THSD7A: variants seen among roughly 807,000 people sequenced by gnomAD.
THSD7A encodes thrombospondin type 1 domain containing 7A.
In THSD7A, 96 loss-of-function variants were observed where a neutral mutation model predicts 231.3. That is an observed-to-expected ratio of 0.41 (90% CI 0.35 to 0.49). The LOEUF is 0.49. Ranked by LOEUF, THSD7A falls within the 20% of genes least tolerant of loss-of-function variation. The pLI is 0.05. For synonymous variants in THSD7A, 940 were observed against 743.3 expected (o/e 1.26, Z -4.30); for missense variants, 2,290 against 2,070.2 (o/e 1.11, Z -2.06).
At chr7:11,440,522 T>C (rs1413598046) in intron 13 of THSD7A, among the ~76,000 whole-genome samples, 1 of 152,070 alleles carries the variant, frequency 6.6e-6, no homozygotes, top group Non-Finnish European at 1.5e-5. Flanking sequence ...ACATTCATGA[T>C]TCATGGAAGG....
intron 24 of THSD7A, among the ~76,000 whole-genome samples, chr7:11,381,575 C>T (rs751667491): frequency 4.6e-5 from 7 of 152,032 alleles, no homozygotes; most frequent in African/African-American, 9.7e-5. Flanking sequence ...TTTTTTCCCC[C>T]GCAGCAGGGT....
intron 4 of THSD7A, among the ~76,000 whole-genome samples, chr7:11,571,628 C>G (rs1389963804): frequency 6.6e-6 from 1 of 152,220 alleles, no homozygotes; most frequent in Non-Finnish European, 1.5e-5. Context: ...AACCACTTCT[C>G]TCAGTTACCA....
chr7:11,730,587 C>T (rs548488794), intron 1 of THSD7A, among the ~76,000 whole-genome samples: 6 of 151,330 alleles, frequency 4.0e-5, no homozygotes, highest in African/African-American at 7.3e-5. Context: ...AATATGAATA[C>T]GAACTGTTTT....
chr7:11,459,821 A>G (rs1785438074), intron 11 of THSD7A, among the ~76,000 whole-genome samples: 4 of 151,900 alleles, frequency 2.6e-5, no homozygotes, highest in Admixed American at 2.6e-4. Context: ...TTTTTGTGTC[A>G]ACATGAAATA....
chr7:11,807,452 C>T (rs1784427601), intron 1 of THSD7A, among the ~76,000 whole-genome samples: 1 of 151,896 alleles, frequency 6.6e-6, no homozygotes, highest in South Asian at 2.1e-4. Context: ...TCAAGTAAAA[C>T]CCTGCTTTCT....
chr7:11,434,473 T>C (rs1784570483), intron 13 of THSD7A, among the ~76,000 whole-genome samples: 1 of 152,090 alleles, frequency 6.6e-6, no homozygotes, highest in Non-Finnish European at 1.5e-5. Context: ...GGAGATAAAG[T>C]AGATTTCAAC....
intron 1 of THSD7A, among the ~76,000 whole-genome samples, chr7:11,659,855 T>C (rs1418917137): frequency 6.6e-6 from 1 of 151,532 alleles, no homozygotes; most frequent in African/African-American, 2.4e-5. Flanking sequence ...CTAGATGTTC[T>C]GTCTAAGAAT....
chr7:11,715,493 G>GAT (rs1306979622), intron 1 of THSD7A, among the ~76,000 whole-genome samples: 2 of 151,394 alleles, frequency 1.3e-5, no homozygotes, highest in Non-Finnish European at 3.0e-5. Flanking sequence ...GTTAGAAATA[G>GAT]ATATATATGA....
At chr7:11,421,243 G>A (rs1313783662) in intron 16 of THSD7A, among the ~76,000 whole-genome samples, 4 of 152,166 alleles carry the variant, frequency 2.6e-5, no homozygotes, top group Admixed American at 1.3e-4. Flanking sequence ...CTGGTAGGAG[G>A]TGATTGGATC....
chr7:11,422,065 T>C (rs932431614), intron 16 of THSD7A, among the ~76,000 whole-genome samples: 17 of 152,194 alleles, frequency 1.1e-4, no homozygotes, highest in Non-Finnish European at 1.8e-4. Context: ...AGATACACGG[T>C]GTAGAACCAA....
At chr7:11,731,673 G>A (rs1177263412) in intron 1 of THSD7A, among the ~76,000 whole-genome samples, 1 of 151,532 alleles carries the variant, frequency 6.6e-6, no homozygotes, top group African/African-American at 2.4e-5. Flanking sequence ...AATAAGCCAG[G>A]CAGCAATCAA....
intron 19 of THSD7A, among the ~76,000 whole-genome samples, chr7:11,409,295 G>A (rs772972455): frequency 6.6e-6 from 1 of 152,124 alleles, no homozygotes; most frequent in Non-Finnish European, 1.5e-5. Context: ...GGCTGTTAGG[G>A]AAGCAGCCAG....
intron 11 of THSD7A, among the ~76,000 whole-genome samples, chr7:11,451,920 T>C (rs922178696): frequency 6.6e-6 from 1 of 152,058 alleles, no homozygotes; most frequent in Non-Finnish European, 1.5e-5. Flanking sequence ...TGTAAGGCCA[T>C]GCACTCATTT....
intron 6 of THSD7A, among the ~76,000 whole-genome samples, chr7:11,506,119 G>C (rs1162380127): frequency 6.6e-6 from 1 of 152,148 alleles, no homozygotes; most frequent in East Asian, 1.9e-4. Context: ...GCCCTCCCCA[G>C]TAGCTGGGAC....
chr7:11,429,137 A>G lies in THSD7A; in HGVS notation c.3065-12T>C, dbSNP rs1456059009. On this transcript the variant is annotated splice_polypyrimidine_tract_variant and intron_variant, in intron 13 of 27. Transcript: ENST00000423059. ...CTCCTCAATGTAACCTGAGTAGAGG[A>G]AAATGAGACAAGAATCATCTCCTCC... is the stretch of plus-strand genomic sequence containing the variant. 4 of 1,546,600 alleles carry G rather than the reference A, an allele frequency of 2.6e-6. No individual in the cohort carries two copies. In the South Asian group the frequency reaches 5.0e-5, roughly 19 times the overall value.
chr7:11,461,574 G>A (rs1785506494), intron 10 of THSD7A, among the ~76,000 whole-genome samples: 1 of 152,112 alleles, frequency 6.6e-6, no homozygotes, highest in Non-Finnish European at 1.5e-5. Context: ...CAGCATCATT[G>A]AGATACAGAT....
intron 1 of THSD7A, among the ~76,000 whole-genome samples, chr7:11,664,216 GAATA>G (rs66863634): frequency 0.035 from 5,315 of 151,822 alleles, 306 homozygotes; most frequent in African/African-American, 0.12. Flanking sequence ...TGTGTTAGAA[GAATA>G]AATAGAGTTC....
At chr7:11,521,420 C>G (rs1168050195) in intron 6 of THSD7A, among the ~76,000 whole-genome samples, 1 of 151,368 alleles carries the variant, frequency 6.6e-6, no homozygotes, top group Non-Finnish European at 1.5e-5. Context: ...TCTAGAGACA[C>G]TGAAGTCACA....
At chr7:11,476,571 C>T (rs1015148365) in intron 7 of THSD7A, among the ~76,000 whole-genome samples, 6 of 152,058 alleles carry the variant, frequency 3.9e-5, no homozygotes, top group African/African-American at 1.4e-4. Context: ...ACTTCCAGCA[C>T]TTTAGGGGGC....
Sources: allele counts gnomAD v4.1 joint callset (sites outside exome capture counted in the v4.1 genomes callset), GRCh38; gene constraint gnomAD v4.1.1; transcripts MANE v1.5; gene names NCBI Gene and HGNC (gene_info 2026-07-23, HGNC 2026-07-21).